Variants in PDK2 observed in about 807,000 individuals in gnomAD.
PDK2 encodes the protein pyruvate dehydrogenase kinase, isozyme 2.
In PDK2, 34 loss-of-function variants were observed where a neutral mutation model predicts 50.4. That is an observed-to-expected ratio of 0.68 (90% CI 0.51 to 0.90). The LOEUF is 0.90. Among genes scored for constraint, PDK2 ranks in the 40% least tolerant of loss-of-function variants. PDK2 has a pLI of 0.00. For synonymous variants in PDK2, 232 were observed against 216.0 expected (o/e 1.07, Z -0.65); for missense variants, 377 against 544.5 (o/e 0.69, Z 3.06).
At chr17:50,096,983 A>G (rs926850309) in intron 1 of PDK2, among the ~76,000 whole-genome samples, 30 of 152,210 alleles carry the variant, frequency 2.0e-4, no homozygotes, top group Non-Finnish European at 4.1e-4. Context: ...GGCCAGAGAC[A>G]ACACTGGGAG....
At chr17:50,106,111 G>C (rs561214478) in intron 4 of PDK2, 42 bp downstream of exon 4, 10 of 1,556,330 alleles carry the variant, frequency 6.4e-6, no homozygotes, top group East Asian at 4.8e-5. Context: ...CGGTGGGGGG[G>C]GCGGTGCTGG....
chr17:50,106,462 C>T (rs1910523592), intron 4 of PDK2: 1 of 460,222 alleles, frequency 2.2e-6, no homozygotes, highest in Non-Finnish European at 3.8e-6. Context: ...TCCTCATGCT[C>T]AAATAATTTC....
At position 50,110,048 on chromosome 17, in the gene PDK2, G is replaced by A. The variant is rs1202382367; in HGVS notation, c.1175G>A (p.Cys392Tyr). The change falls in exon 11 of 11, where the codon TGT (cysteine) becomes TAT (tyrosine). Residue 392 changes from cysteine (C) to tyrosine (Y), a missense_variant. This residue lies in a region of PDK2 where 214 missense variants were observed against 294.0 expected (regional missense o/e 0.73). Transcript: ENST00000503176. ...ACCATCCAGGAGGCCGGCGACTGGTGTGTGCCCAGCACGGAGCCCAAGAAC... is the reference window on the plus strand; with the variant it reads ...ACCATCCAGGAGGCCGGCGACTGGTATGTGCCCAGCACGGAGCCCAAGAAC... The part of the protein sequence containing the change: ...YQTIQEAGDW[C>Y]VPSTEPKNTS... 1.9e-6 allele frequency: 3 copies of A among 1,611,248 alleles called. No homozygotes were observed. The highest frequency in any genetic ancestry group is 1.7e-5 in the Admixed American group (1 of 59,792).
chr17:50,102,366 G>T (rs1910278894), intron 2 of PDK2, among the ~76,000 whole-genome samples: 1 of 152,326 alleles, frequency 6.6e-6, no homozygotes, highest in African/African-American at 2.4e-5. Context: ...GCCCTCTAGG[G>T]TTGTTGAGCA....
intron 4 of PDK2, 140 bp from the exon 5 acceptor site, chr17:50,106,654 G>A (rs1002389186): frequency 1.1e-4 from 79 of 705,880 alleles, no homozygotes; most frequent in Middle Eastern, 1.0e-3. Flanking sequence ...GGACAGAAGC[G>A]GGGGAGTGGG....
chr17:50,100,919 TG>T (rs559978560), intron 2 of PDK2: 2 of 152,304 alleles, frequency 1.3e-5, no homozygotes, highest in South Asian at 4.1e-4. Flanking sequence ...TCCAAGTTCA[TG>T]GTGCAAGTCT....
At chr17:50,106,621 G>T in intron 4 of PDK2, 173 bp from the exon 5 acceptor site, 1 of 626,288 alleles carries the variant, frequency 1.6e-6, no homozygotes. Flanking sequence ...CAGGGCTGGA[G>T]GGGTCAGGGG....
chr17:50,095,282 A>G, upstream of PDK2: 1 of 571,200 alleles, frequency 1.8e-6, no homozygotes, highest in Non-Finnish European at 3.1e-6. Context: ...GCCATTGGCG[A>G]CGTCGAGGCG....
chr17:50,095,544 C>T lies in PDK2; in HGVS notation c.109C>T (p.Leu37=), dbSNP rs1195746785. The T allele has an allele frequency of 1.9e-6, 3 of 1,603,824 alleles. No homozygotes were observed. Among genetic ancestry groups the T allele is most frequent in the Non-Finnish European group, 2.6e-6 (3 of 1,174,984 alleles). ...GTCCCCGCTGTCCATGAAGCAGTTT[C>T]TGGACTTCGGTACGGAGTGGGCGGG... is the stretch of plus-strand genomic sequence containing the variant. ...SPSPLSMKQF[L]DFGSSNACEK... Residue 37 remains leucine (L), a synonymous_variant, in exon 1 of 11, where the codon CTG becomes TTG. Coordinates refer to ENST00000503176, the MANE Select transcript of PDK2 (RefSeq NM_002611.5).
At position 50,108,653 on chromosome 17, in the gene PDK2, G is replaced by A. The variant is rs537701979; in HGVS notation, c.903G>A (p.Glu301=). 7.4e-6 allele frequency: 12 copies of A among 1,613,348 alleles called. No homozygotes were observed. Among genetic ancestry groups the A allele is most frequent in the Middle Eastern group, 1.6e-4 (1 of 6,062 alleles). ...GGGGTGTTCCCTTGAGGAAGATTGA[G>A]CGACTCTTCAGCTACATGTACTCCA... is the stretch of plus-strand genomic sequence containing the variant. ...RGGGVPLRKI[E]RLFSYMYSTA... is the part of the protein sequence containing the mutation. Residue 301 remains glutamate, a synonymous_variant, in exon 9 of 11, where the codon GAG becomes GAA. Coordinates refer to ENST00000503176, the MANE Select transcript of PDK2 (RefSeq NM_002611.5).
rs1323110633 is a variant in PDK2 at position 50,110,239 on chromosome 17, G to A, written c.*142G>A. The stretch of plus-strand genomic sequence containing the variant: ...TTCTGTCTCTATGGAAGTCACTGCG[G>A]TGATAGGTCTGTGATGGTCCCTAAG... On this transcript the variant is annotated 3_prime_UTR_variant, in exon 11 of 11. Coordinates refer to ENST00000503176, the MANE Select transcript of PDK2 (RefSeq NM_002611.5). The A allele has an allele frequency of 3.3e-6, 3 of 909,380 alleles. No homozygotes were observed. Among genetic ancestry groups the A allele is most frequent in the Non-Finnish European group, 4.8e-6 (3 of 625,428 alleles). The allele number at this position is 909,380 out of a possible 1,614,324, so 56.3% of individuals were successfully genotyped here. A position where few individuals can be genotyped will look rare whatever the true frequency, so the allele number is the denominator to read the frequency against.
Position 50,109,845 on chromosome 17 carries a change from T to C in PDK2, c.1084-112T>C. ...GGAGGGACCACCCTTTTGTGGTCTT[T>C]CCAGGCCCCCGTGTCTGGCAGCTGG... On this transcript the variant is annotated intron_variant, in intron 10 of 10. Coordinates refer to ENST00000503176, the MANE Select transcript of PDK2 (RefSeq NM_002611.5). The surrounding 1 kb of genome is among the most constrained non-coding windows in gnomAD (Gnocchi z 5.0). 10 of 1,247,100 alleles carry C rather than the reference T, an allele frequency of 8.0e-6. No individual in the cohort carries two copies. Among genetic ancestry groups the C allele is most frequent in the Non-Finnish European group, 1.1e-5 (10 of 927,444 alleles). 77.3% of individuals were successfully genotyped at this position (1,247,100 alleles called of 1,614,324 possible). A position where few individuals can be genotyped will look rare whatever the true frequency, so the allele number is the denominator to read the frequency against.
chr17:50,104,687 A>G (rs1910410661), intron 2 of PDK2, among the ~76,000 whole-genome samples: 1 of 152,240 alleles, frequency 6.6e-6, no homozygotes, highest in Non-Finnish European at 1.5e-5. Context: ...CTTTTGCAGT[A>G]GAGTGAGCTT....
chr17:50,106,837 C>G lies in PDK2; in HGVS notation c.561C>G (p.His187Gln), dbSNP rs1910539825. The G allele has an allele frequency of 6.2e-7, 1 of 1,614,046 alleles. No homozygotes were observed. The highest frequency in any genetic ancestry group is 8.5e-7 in the Non-Finnish European group (1 of 1,180,048). ...GCACCAACCCAGCCCATCCCAAACA[C>G]ATCGGCAGCATCGACCCCAACTGCA... Reference protein sequence around the residue: ...DGSTNPAHPKHIGSIDPNCNV... With the variant: ...DGSTNPAHPKQIGSIDPNCNV... Residue 187 changes from histidine (H) to glutamine (Q), a missense_variant, in exon 5 of 11, where the codon CAC becomes CAG. This residue lies in a region of PDK2 where 63 missense variants were observed against 135.1 expected (regional missense o/e 0.47). Coordinates refer to ENST00000503176, the MANE Select transcript of PDK2 (RefSeq NM_002611.5).
intron 2 of PDK2, among the ~76,000 whole-genome samples, chr17:50,100,317 A>G (rs188853231): frequency 6.6e-6 from 1 of 152,188 alleles, no homozygotes; most frequent in African/African-American, 2.4e-5. Context: ...GACTTGTGAT[A>G]GTGGGCCCTG....
In PDK2 at chr17:50,108,686, C is replaced by T. The variant is rs764684953; in HGVS notation, c.936C>T (p.Pro312=). 2 of 1,613,076 alleles carry T rather than the reference C, an allele frequency of 1.2e-6. No individual in the cohort carries two copies. The highest frequency in any genetic ancestry group is 2.2e-5 in the South Asian group (2 of 90,772). The part of the protein sequence containing the change: ...RLFSYMYSTA[P]TPQPGTGGTP... ...TCAGCTACATGTACTCCACAGCACC[C>T]ACCCCCCAGCCTGGCACCGGGGGAA... is the stretch of plus-strand genomic sequence containing the variant. Residue 312 remains proline, a synonymous_variant, in exon 9 of 11, where the codon CCC becomes CCT. Coordinates refer to ENST00000503176, the MANE Select transcript of PDK2 (RefSeq NM_002611.5).
chr17:50,108,832 C>A, intron 9 of PDK2, 113 bp downstream of exon 9: 1 of 692,458 alleles, frequency 1.4e-6, no homozygotes, highest in South Asian at 1.8e-5. Context: ...TGACAGTCAC[C>A]TGTCTTGAAT....
At chr17:50,100,543 C>T (rs1474656084) in intron 2 of PDK2, among the ~76,000 whole-genome samples, 4 of 152,164 alleles carry the variant, frequency 2.6e-5, no homozygotes, top group Non-Finnish European at 5.9e-5. Flanking sequence ...CCCAGGCTGC[C>T]GGGCAGCAAC....
rs771058885 is a variant in PDK2, at chr17:50,108,734, C to T, written c.969+15C>T. ...GAACGCCGCTGGTGAGATGGCTTCACCCCAGCCCCTCCCACCTCCTGAGGG... is the reference window on the plus strand; with the variant it reads ...GAACGCCGCTGGTGAGATGGCTTCATCCCAGCCCCTCCCACCTCCTGAGGG... On this transcript the variant is annotated intron_variant, in intron 9 of 10. Transcript: ENST00000503176. 3.9e-6 allele frequency: 6 copies of T among 1,523,964 alleles called. No individual in the cohort carries two copies. In the Admixed American group the frequency reaches 1.0e-4, roughly 27 times the overall value. 94.4% of individuals were successfully genotyped at this position (1,523,964 alleles called of 1,614,324 possible).
Sources: allele counts gnomAD v4.1 joint callset (sites outside exome capture counted in the v4.1 genomes callset), GRCh38; gene constraint gnomAD v4.1.1; regional missense constraint gnomAD v4.1.1; non-coding constraint Gnocchi (gnomAD v3.1); transcripts MANE v1.5; gene names NCBI Gene and HGNC (gene_info 2026-07-23, HGNC 2026-07-21).